Variants in LRIF1 observed in about 807,000 individuals in gnomAD.
LRIF1 encodes ligand-dependent nuclear receptor-interacting factor 1.
LRIF1 carries 32 observed loss-of-function variants against 52.7 expected under a neutral mutation model. That is an observed-to-expected ratio of 0.61 (90% confidence interval 0.46 to 0.82). The LOEUF is 0.82. Among genes scored for constraint, LRIF1 ranks in the 40% least tolerant of loss-of-function variants. The probability of loss-of-function intolerance (pLI) is 0.00; values close to 1 mark genes in which losing one functional copy is unlikely to be tolerated. For synonymous variants in LRIF1, 323 were observed against 317.4 expected, an observed-to-expected ratio of 1.02 and a Z score of -0.19; for missense variants, 887 against 892.0, an observed-to-expected ratio of 0.99 and a Z score of 0.07.
At chr1:110,900,107 T>C in the LRIF1 span, among the ~76,000 whole-genome samples, 1 of 152,188 alleles carries the variant, frequency 6.6e-6, no homozygotes, top group Non-Finnish European at 1.5e-5. Context: ...AGGAGCAGCT[T>C]AGCTGGGTGA....
chr1:110,922,919 C>T, the LRIF1 span, among the ~76,000 whole-genome samples: 2 of 152,192 alleles, frequency 1.3e-5, no homozygotes, highest in Non-Finnish European at 2.9e-5. Flanking sequence ...GTAACATTGC[C>T]TTATCTCCTC....
the LRIF1 span, among the ~76,000 whole-genome samples, chr1:110,925,047 C>A: frequency 6.6e-6 from 1 of 152,124 alleles, no homozygotes; most frequent in Non-Finnish European, 1.5e-5. Context: ...CTTTTAAAAT[C>A]TACAATGATG....
At chr1:110,894,863 A>C in the LRIF1 span, 2 of 849,044 alleles carry the variant, frequency 2.4e-6, no homozygotes, top group Non-Finnish European at 4.0e-6. Flanking sequence ...TTGGAAGGGA[A>C]GCGCAAGTGG....
chr1:110,953,827 A>T (rs558680333), intron 1 of LRIF1, among the ~76,000 whole-genome samples: 2 of 152,312 alleles, frequency 1.3e-5, no homozygotes, highest in East Asian at 1.9e-4. Context: ...GGCATAAATG[A>T]TATTTCTCAA....
At chr1:110,895,096 C>A in the LRIF1 span, 1 of 1,421,966 alleles carries the variant, frequency 7.0e-7, no homozygotes. Flanking sequence ...GCCCAGACTT[C>A]ATTTTCAAGC....
At chr1:110,886,802 G>A in the LRIF1 span, among the ~76,000 whole-genome samples, 13 of 147,484 alleles carry the variant, frequency 8.8e-5, no homozygotes, top group Admixed American at 9.0e-4. Flanking sequence ...CCAAGATCAC[G>A]CCACTGCACT....
the LRIF1 span, among the ~76,000 whole-genome samples, chr1:110,929,828 A>C: frequency 2.0e-5 from 3 of 152,122 alleles, no homozygotes; most frequent in Non-Finnish European, 2.9e-5. Context: ...CGTGGAAACA[A>C]AGAGGAAACA....
the LRIF1 span, among the ~76,000 whole-genome samples, chr1:110,886,874 T>A: frequency 4.1e-5 from 6 of 145,056 alleles, no homozygotes; most frequent in Non-Finnish European, 9.1e-5. Flanking sequence ...TATATATTTT[T>A]TTTTTCTGTC....
rs976884991 is a variant in LRIF1, at chr1:110,961,767, C to T, written c.68+1854G>A. ...TAAGTTTCCAATAAACTACAAGGGC[C>T]GTTAATATTATTTACAAAATTATAT... On this transcript the variant is annotated intron_variant, in intron 1 of 3. Transcript: ENST00000369763. Among the ~76,000 whole-genome samples, 3 of 151,814 alleles carry T rather than the reference C, an allele frequency of 2.0e-5. No individual in the cohort carries two copies. In the East Asian group the frequency reaches 5.8e-4, roughly 29 times the overall value.
At chr1:110,918,007 T>C in the LRIF1 span, among the ~76,000 whole-genome samples, 1 of 152,188 alleles carries the variant, frequency 6.6e-6, no homozygotes, top group Admixed American at 6.5e-5. Context: ...ATATGTAAGA[T>C]TATCTTAATA....
chr1:110,949,769 G>C lies in LRIF1; in HGVS notation c.1869+82C>G, dbSNP rs1658381766. The C allele has an allele frequency of 1.3e-5, 18 of 1,392,616 alleles. No homozygotes were observed. In the South Asian group the frequency reaches 2.3e-4, roughly 18 times the overall value. The allele number at this position is 1,392,616 out of a possible 1,614,324, so 86.3% of individuals were successfully genotyped here. ...AACCATCATTTATACTAATGCACAA[G>C]GGTTAAAACCAAATCAAGAAAAGTA... On this transcript the variant is annotated intron_variant, in intron 3 of 3. Coordinates refer to ENST00000369763, the MANE Select transcript of LRIF1 (RefSeq NM_018372.4).
chr1:110,942,903 T>C (rs1487703231), downstream of LRIF1, among the ~76,000 whole-genome samples: 1 of 152,088 alleles, frequency 6.6e-6, no homozygotes, highest in Non-Finnish European at 1.5e-5. Context: ...TTCCTGAATA[T>C]AGACGGTATT....
At chr1:110,902,517 A>AGAAAAAAAAAAAAAAAAAAAAAAAAAAAG in the LRIF1 span, among the ~76,000 whole-genome samples, 1 of 104,696 alleles carries the variant, frequency 9.6e-6, no homozygotes, top group Non-Finnish European at 2.1e-5. Flanking sequence ...AAAAAAAAAA[A>AGAAAAAAAAAAAAAAAAAAAAAAAAAAAG]AAAGAAATAC....
the LRIF1 span, among the ~76,000 whole-genome samples, chr1:110,900,766 C>CA: frequency 3.3e-4 from 40 of 121,592 alleles, 1 homozygote; most frequent in Non-Finnish European, 4.5e-4. Context: ...AAAAAAAAAA[C>CA]AAAAAAAAAA....
chr1:110,936,107 C>A, the LRIF1 span, among the ~76,000 whole-genome samples: 1 of 152,186 alleles, frequency 6.6e-6, no homozygotes, highest in Admixed American at 6.5e-5. Context: ...CAAAAATATT[C>A]TTCACACATG....
intron 1 of LRIF1, among the ~76,000 whole-genome samples, chr1:110,962,710 G>C (rs1659010265): frequency 6.6e-6 from 1 of 152,166 alleles, no homozygotes; most frequent in South Asian, 2.1e-4. Context: ...AACTAGCAAA[G>C]TTGAGATTAA....
the LRIF1 span, among the ~76,000 whole-genome samples, chr1:110,927,209 C>T: frequency 9.3e-3 from 1,411 of 152,144 alleles, 39 homozygotes; most frequent in East Asian, 0.054. Flanking sequence ...TGTATAGTTA[C>T]GTTTCAATCA....
rs1658391768 is a variant in LRIF1, at chr1:110,949,937, C to T, written c.1783G>A (p.Glu595Lys). 2 of 1,614,122 alleles carry T rather than the reference C, an allele frequency of 1.2e-6. No individual in the cohort carries two copies. Among genetic ancestry groups the T allele is most frequent in the East Asian group, 2.2e-5 (1 of 44,860 alleles). Residue 595 changes from glutamate to lysine, a missense_variant, in exon 3 of 4, where the codon GAA becomes AAA. Coordinates refer to ENST00000369763, the MANE Select transcript of LRIF1 (RefSeq NM_018372.4). ...AAACTGCTAAAGGAATCGAAACCTT[C>T]TCCAGAGGTCAAATGGTCAGGAATT... Reference protein sequence around the residue: ...TRIPDHLTSGEGFDSFSSLVK... With the variant: ...TRIPDHLTSGKGFDSFSSLVK...
chr1:110,923,164 G>A, the LRIF1 span, among the ~76,000 whole-genome samples: 86 of 152,234 alleles, frequency 5.6e-4, 3 homozygotes, highest in East Asian at 0.012. Flanking sequence ...GCCGGGTGTG[G>A]TGGTGCACAC....
Sources: gnomAD v4.1 joint callset for allele counts (sites outside exome capture counted in the v4.1 genomes callset) on GRCh38, gnomAD v4.1.1 for gene constraint, MANE v1.5 for transcripts, NCBI Gene and HGNC (gene_info 2026-07-23, HGNC 2026-07-21) for gene names.